VPS13A: variants seen among roughly 807,000 people sequenced by gnomAD.
The protein encoded by VPS13A is intermembrane lipid transfer protein VPS13A.
In VPS13A, 264 loss-of-function variants were observed where a neutral mutation model predicts 390.9. That is an observed-to-expected ratio of 0.68 (90% CI 0.61 to 0.75). The LOEUF (loss-of-function observed/expected upper bound fraction) is 0.75, where lower values mean the gene tolerates loss of function less well. Ranked by LOEUF, VPS13A falls within the 30% of genes least tolerant of loss-of-function variation. The pLI is 0.00. For missense variants in VPS13A, 3,409 were observed against 3,733.9 expected, an observed-to-expected ratio of 0.91 and a Z score of 2.27; for synonymous variants, 1,231 against 1,227.1, an observed-to-expected ratio of 1.00 and a Z score of -0.07.
At chr9:77,358,966 T>TG (rs1393035640) in intron 57 of VPS13A, among the ~76,000 whole-genome samples, 1 of 152,206 alleles carries the variant, frequency 6.6e-6, no homozygotes, top group African/African-American at 2.4e-5. Context: ...TAAACTATCC[T>TG]GGGGGGAGTA....
At position 77,268,926 on chromosome 9, in the gene VPS13A, C is replaced by T. The variant is rs144678428; in HGVS notation, c.2428-4354C>T. Among the ~76,000 whole-genome samples the T allele has an allele frequency of 4.2e-3, 614 of 147,318 alleles. 7 individuals carry two copies. Among genetic ancestry groups the T allele is most frequent in the African/African-American group, 0.015 (579 of 39,666 alleles). On this transcript the variant is annotated intron_variant, in intron 23 of 71. Coordinates refer to ENST00000360280, the MANE Select transcript of VPS13A (RefSeq NM_033305.3). ...CTGCACTCCAGCCTGGGCGACAGAG[C>T]GATACTCCATCTCAAAAAAAAAAAA...
intron 68 of VPS13A, chr9:77,384,629 T>A: frequency 6.2e-7 from 1 of 1,609,780 alleles, no homozygotes; most frequent in Non-Finnish European, 8.5e-7. Flanking sequence ...ACAGTAGCAG[T>A]AGTGATGATG....
chr9:77,214,668 G>A lies in VPS13A; in HGVS notation c.754+282G>A, dbSNP rs574497784. On this transcript the variant is annotated intron_variant, in intron 10 of 71. Coordinates refer to ENST00000360280, the MANE Select transcript of VPS13A (RefSeq NM_033305.3). Reference sequence around the variant, plus strand: ...TAAGGATTATTCAGTAACAATTAGGGTAATATTTATGAAGACATTTCAAAA... The same window carrying A: ...TAAGGATTATTCAGTAACAATTAGGATAATATTTATGAAGACATTTCAAAA... Among the ~76,000 whole-genome samples, 3 of 152,188 alleles carry A rather than the reference G, an allele frequency of 2.0e-5. No individual in the cohort carries two copies. The East Asian group carries it at 5.8e-4, about 29-fold the overall frequency.
chr9:77,399,969 G>GT (rs150403451), intron 68 of VPS13A, among the ~76,000 whole-genome samples: 33 of 152,160 alleles, frequency 2.2e-4, no homozygotes, highest in Admixed American at 1.5e-3. Flanking sequence ...GTATGCACAG[G>GT]TTTTTTATGA....
intron 67 of VPS13A, among the ~76,000 whole-genome samples, chr9:77,374,857 G>T (rs1832983117): frequency 6.6e-6 from 1 of 152,092 alleles, no homozygotes; most frequent in African/African-American, 2.4e-5. Flanking sequence ...TTAGGTGGGT[G>T]GCTGTCTTCC....
chr9:77,221,044 G>A (rs1291303252), intron 12 of VPS13A, 141 bp from the exon 13 acceptor site: 1 of 831,856 alleles, frequency 1.2e-6, no homozygotes, highest in Non-Finnish European at 1.9e-6. Flanking sequence ...ATGGAGTTGG[G>A]TAAAAAGGAA....
At chr9:77,273,575 A>G (rs530622837) in intron 24 of VPS13A, among the ~76,000 whole-genome samples, 3 of 152,312 alleles carry the variant, frequency 2.0e-5, no homozygotes, top group East Asian at 1.9e-4. Context: ...GGTACATGCA[A>G]GAAGCTCAGG....
At chr9:77,291,580 A>G (rs1194323159) in intron 31 of VPS13A, among the ~76,000 whole-genome samples, 1 of 152,050 alleles carries the variant, frequency 6.6e-6, no homozygotes, top group Non-Finnish European at 1.5e-5. Context: ...GGGTGGCTGG[A>G]GGCTGTGTTG....
chr9:77,351,110 C>A, intron 52 of VPS13A: 1 of 510,032 alleles, frequency 2.0e-6, no homozygotes, highest in Non-Finnish European at 3.4e-6. Flanking sequence ...CTAAGTAGAA[C>A]ATGTATTTTC....
At chr9:77,341,792 G>A (rs539706708) in intron 50 of VPS13A, among the ~76,000 whole-genome samples, 1 of 130,368 alleles carries the variant, frequency 7.7e-6, no homozygotes, top group Admixed American at 8.9e-5. Context: ...CTTATTCCCA[G>A]AAATTTCACC....
chr9:77,384,100 TGTAA>T (rs985596822), intron 68 of VPS13A, among the ~76,000 whole-genome samples: 68 of 151,934 alleles, frequency 4.5e-4, no homozygotes, highest in African/African-American at 1.3e-3. Flanking sequence ...CTAGATTTTA[TGTAA>T]GTGATATAAT....
At chr9:77,191,204 A>G (rs978201809) in intron 1 of VPS13A, among the ~76,000 whole-genome samples, 5 of 151,866 alleles carry the variant, frequency 3.3e-5, no homozygotes, top group African/African-American at 1.2e-4. Context: ...TCTTAAGACT[A>G]CATTAGCTAT....
intron 5 of VPS13A, among the ~76,000 whole-genome samples, chr9:77,206,366 C>T (rs996409167): frequency 6.7e-6 from 1 of 149,052 alleles, no homozygotes; most frequent in Non-Finnish European, 1.5e-5. Context: ...CATATACATA[C>T]TAGGTAAGGT....
rs769518089 is a variant in VPS13A, at chr9:77,280,250, C to CATT, written c.2904+13_2904+15dup. ...TGGAATATGTAAAGGTAAGCAGTTT[C>CATT]ATTTATATCTGCTTAATATGGTAAG... On this transcript the variant is annotated intron_variant, in intron 27 of 71. Coordinates refer to ENST00000360280, the MANE Select transcript of VPS13A (RefSeq NM_033305.3). 33 of 1,592,864 alleles carry CATT rather than the reference C, an allele frequency of 2.1e-5. No individual in the cohort carries two copies. The South Asian group carries it at 2.8e-4, about 13-fold the overall frequency.
chr9:77,339,495 T>TG, intron 47 of VPS13A, 21 bp from the exon 48 acceptor site: 1 of 773,276 alleles, frequency 1.3e-6, no homozygotes, highest in Non-Finnish European at 1.8e-6. Context: ...TTTTGTTTTG[T>TG]TTTTTTTTTT....
rs573718534 is a variant in VPS13A at position 77,308,473 on chromosome 9, G to A, written c.4114+375G>A. 3.3e-5 allele frequency among the ~76,000 whole-genome samples: 5 copies of A among 152,010 alleles called. No individual in the cohort carries two copies. The South Asian group carries it at 1.0e-3, about 32-fold the overall frequency. ...CCCCCATCTTCTCCCTATCCCTAGT[G>A]TGGCATATATCCCAAATGAATCTTT... On this transcript the variant is annotated intron_variant, in intron 35 of 71. Transcript: ENST00000360280.
intron 46 of VPS13A, among the ~76,000 whole-genome samples, chr9:77,332,920 A>G (rs969565264): frequency 6.6e-6 from 1 of 152,178 alleles, no homozygotes; most frequent in Non-Finnish European, 1.5e-5. Flanking sequence ...GGGATCCTCA[A>G]TGCTCCGAAG....
At position 77,245,634 on chromosome 9, in the gene VPS13A, C is replaced by G. The variant is rs1037033927; in HGVS notation, c.1901-1625C>G. On this transcript the variant is annotated intron_variant, in intron 19 of 71. Transcript: ENST00000360280. ...TGCTTCTTACAGGCTATGGGAAATG[C>G]CAGGGTTTTTTCTTCCTCTCTCTAC... 1.4e-4 allele frequency among the ~76,000 whole-genome samples: 22 copies of G among 152,198 alleles called. 1 individual carries two copies. Among genetic ancestry groups the G allele is most frequent in the Admixed American group, 1.0e-3 (16 of 15,292 alleles).
intron 39 of VPS13A, among the ~76,000 whole-genome samples, chr9:77,316,863 T>G (rs1829422985): frequency 6.6e-6 from 1 of 152,094 alleles, no homozygotes; most frequent in Non-Finnish European, 1.5e-5. Flanking sequence ...TGCTTTGACA[T>G]ACTTCACATT....
Sources: allele counts gnomAD v4.1 joint callset (sites outside exome capture counted in the v4.1 genomes callset), GRCh38; gene constraint gnomAD v4.1.1; transcripts MANE v1.5; gene names NCBI Gene and HGNC (gene_info 2026-07-23, HGNC 2026-07-21).